Variants in RPE observed in about 807,000 individuals in gnomAD.
RPE encodes ribulose-phosphate 3-epimerase.
A neutral mutation model predicts 24.6 loss-of-function variants in RPE; 16 were observed. The observed-to-expected ratio is 0.65, with a 90% confidence interval of 0.44 to 0.99. The LOEUF is 0.99. RPE is among the 50% of genes least tolerant of loss of function. The pLI is 0.00. For synonymous variants in RPE, 93 were observed against 98.4 expected, an observed-to-expected ratio of 0.94 and a Z score of 0.33; for missense variants, 240 against 294.5, an observed-to-expected ratio of 0.81 and a Z score of 1.35.
At chr2:210,019,017 A>AT (rs1292985535) in intron 5 of RPE, among the ~76,000 whole-genome samples, 3 of 152,168 alleles carry the variant, frequency 2.0e-5, no homozygotes, top group Non-Finnish European at 4.4e-5. Flanking sequence ...TTGGGTTTCC[A>AT]TCCTTGAATC....
At chr2:210,018,058 T>G in intron 5 of RPE, 1 of 1,325,544 alleles carries the variant, frequency 7.5e-7, no homozygotes. Flanking sequence ...AAGTGGATAT[T>G]CTAAAATCAC....
intron 1 of RPE, among the ~76,000 whole-genome samples, chr2:210,003,007 C>A (rs975857152): frequency 6.6e-6 from 1 of 152,158 alleles, no homozygotes; most frequent in Admixed American, 6.5e-5. Context: ...TTCCTCCCCT[C>A]CCCCCACGTA....
intron 1 of RPE, among the ~76,000 whole-genome samples, chr2:210,004,652 G>A (rs2093606251): frequency 6.6e-6 from 1 of 152,130 alleles, no homozygotes; most frequent in Non-Finnish European, 1.5e-5. Context: ...TGTCTCTCCT[G>A]CTACCCTATA....
chr2:210,003,528 AG>A, intron 1 of RPE: 1 of 1,048,664 alleles, frequency 9.5e-7, no homozygotes, highest in Non-Finnish European at 1.3e-6. Flanking sequence ...TCAGGATATT[AG>A]TTTCTGAAGT....
intron 2 of RPE, among the ~76,000 whole-genome samples, chr2:210,014,979 T>C (rs1375551583): frequency 6.6e-6 from 1 of 152,226 alleles, no homozygotes; most frequent in East Asian, 1.9e-4. Context: ...AAGAAGGCCA[T>C]GCCCATTTTC....
intron 5 of RPE, 48 bp downstream of exon 5, chr2:210,017,607 G>A: frequency 1.3e-6 from 2 of 1,555,486 alleles, no homozygotes; most frequent in South Asian, 1.1e-5. Flanking sequence ...CGTCAAATAT[G>A]TCTCCAGGAC....
chr2:210,013,606 A>T (rs2093729837), intron 2 of RPE, among the ~76,000 whole-genome samples: 1 of 151,998 alleles, frequency 6.6e-6, no homozygotes, highest in African/African-American at 2.4e-5. Flanking sequence ...ACCCGCCAAA[A>T]ATTACATGCT....
At chr2:210,003,211 G>A (rs1393337702) in intron 1 of RPE, among the ~76,000 whole-genome samples, 3 of 152,150 alleles carry the variant, frequency 2.0e-5, no homozygotes, top group East Asian at 1.9e-4. Context: ...AGGTTCCCGA[G>A]TTCTGCCACT....
intron 2 of RPE, among the ~76,000 whole-genome samples, chr2:210,012,472 C>T (rs887875077): frequency 7.2e-5 from 11 of 152,190 alleles, no homozygotes; most frequent in African/African-American, 1.2e-4. Context: ...GAATACATGC[C>T]TTTTTAATAT....
intron 2 of RPE, among the ~76,000 whole-genome samples, chr2:210,011,168 A>G (rs561636127): frequency 3.1e-4 from 47 of 152,178 alleles, no homozygotes; most frequent in Non-Finnish European, 4.0e-4. Flanking sequence ...ATGTTCCACC[A>G]ATATATTCAC....
chr2:210,011,242 T>C (rs552338302), intron 2 of RPE, among the ~76,000 whole-genome samples: 4 of 152,324 alleles, frequency 2.6e-5, no homozygotes, highest in East Asian at 3.9e-4. Context: ...TTTTAAGCCA[T>C]GATTAGCTTA....
intron 5 of RPE, chr2:210,018,372 T>G: frequency 1.0e-6 from 1 of 984,656 alleles, no homozygotes; most frequent in Non-Finnish European, 1.2e-6. Context: ...TGGCTATCTG[T>G]ATAGAAGTAA....
In RPE at chr2:210,016,627, G is replaced by C. The variant is rs1266143990; in HGVS notation, c.463G>C (p.Asp155His). The change falls in exon 4 of 6, where the codon GAT becomes CAT. Residue 155 changes from aspartate to histidine, a missense_variant. Asp to His is a moderately conservative substitution (Grantham distance 81). Coordinates refer to ENST00000359429, the MANE Select transcript of RPE (RefSeq NM_199229.3). The part of the protein sequence containing the change: ...PGFGGQKFME[D>H]MMPKVHWLRT... The stretch of plus-strand genomic sequence containing the variant: ...GTTTGGAGGGCAGAAATTCATGGAA[G>C]ATATGATGCCAAAGGTAAAAGAAGT... 2 of 1,614,206 alleles carry C rather than the reference G, an allele frequency of 1.2e-6. No individual in the cohort carries two copies. The highest frequency in any genetic ancestry group is 1.7e-6 in the Non-Finnish European group (2 of 1,180,044).
At chr2:210,017,435 ACT>A in intron 4 of RPE, 36 bp from the exon 5 acceptor site, 1 of 1,046,986 alleles carries the variant, frequency 9.6e-7, no homozygotes, top group Non-Finnish European at 1.3e-6. Context: ...CAACATACCC[ACT>A]TTAGGAGTTA....
chr2:210,002,775 A>C lies in RPE; in HGVS notation c.114A>C (p.Val38=). The C allele has an allele frequency of 6.2e-7, 1 of 1,614,040 alleles. No individual in the cohort carries two copies. The highest frequency in any genetic ancestry group is 8.5e-7 in the Non-Finnish European group (1 of 1,179,988). The change falls in exon 1 of 6, where the codon GTA becomes GTC. Residue 38 remains valine (V), a synonymous_variant. Coordinates refer to ENST00000359429, the MANE Select transcript of RPE (RefSeq NM_199229.3). ...DSGADYLHLD[V]MDGHFVPNIT... is the part of the protein sequence containing the mutation. ...GGGCCGATTATCTGCACCTGGACGTAATGGACGGGTAACTCCTCCGGGCTC... is the reference window on the plus strand; with the variant it reads ...GGGCCGATTATCTGCACCTGGACGTCATGGACGGGTAACTCCTCCGGGCTC...
Position 210,011,960 on chromosome 2 carries a change from G to T in RPE, c.202+2224G>T, listed in dbSNP as rs1364486497. On this transcript the variant is annotated intron_variant, in intron 2 of 5. Transcript: ENST00000359429. ...GCTTCCCAAAGTGTTGTGATAGTAG[G>T]TGTAAGTCACTGAGCCCGACTACCT... 3.3e-5 allele frequency among the ~76,000 whole-genome samples: 5 copies of T among 151,766 alleles called. No individual in the cohort carries two copies. The South Asian group carries it at 6.2e-4, about 19-fold the overall frequency.
intron 1 of RPE, among the ~76,000 whole-genome samples, chr2:210,006,710 C>T (rs1020191125): frequency 6.6e-6 from 1 of 152,178 alleles, no homozygotes; most frequent in Non-Finnish European, 1.5e-5. Flanking sequence ...ATCTTTAATT[C>T]CAGAATTGTA....
At chr2:210,016,433 G>C (rs1303267485) in intron 3 of RPE, 74 bp from the exon 4 acceptor site, 1 of 1,600,032 alleles carries the variant, frequency 6.2e-7, no homozygotes, top group African/African-American at 1.3e-5. Flanking sequence ...TATTTCTACT[G>C]GGCCTGCTAT....
intron 2 of RPE, among the ~76,000 whole-genome samples, chr2:210,012,008 T>C (rs1206257294): frequency 2.0e-5 from 3 of 152,124 alleles, no homozygotes; most frequent in African/African-American, 7.2e-5. Context: ...TTGAGAAACA[T>C]TTGTTTAATT....
Sources: gnomAD v4.1 joint callset for allele counts (sites outside exome capture counted in the v4.1 genomes callset) on GRCh38, gnomAD v4.1.1 for gene constraint, MANE v1.5 for transcripts, NCBI Gene and HGNC (gene_info 2026-07-23, HGNC 2026-07-21) for gene names.